The following TMEM132D variants were observed in gnomAD, a reference collection of about 807,000 sequenced individuals.
The protein encoded by TMEM132D is mature OL transmembrane protein.
In TMEM132D, 21 loss-of-function variants were observed where a neutral mutation model predicts 62.3. That is an observed-to-expected ratio of 0.34 (90% CI 0.24 to 0.49). The LOEUF (loss-of-function observed/expected upper bound fraction) is 0.49, where lower values mean the gene tolerates loss of function less well. TMEM132D is among the 20% of genes least tolerant of loss of function. The pLI is 0.99. For missense variants in TMEM132D, 1,346 were observed against 1,402.8 expected, an observed-to-expected ratio of 0.96 and a Z score of 0.65; for synonymous variants, 621 against 575.6, an observed-to-expected ratio of 1.08 and a Z score of -1.13.
intron 3 of TMEM132D, among the ~76,000 whole-genome samples, chr12:129,492,634 C>T (rs1874830626): frequency 6.6e-6 from 1 of 152,224 alleles, no homozygotes; most frequent in South Asian, 2.1e-4. Flanking sequence ...AGTATACACA[C>T]TGTCAAAAGT....
intron 4 of TMEM132D, among the ~76,000 whole-genome samples, chr12:129,276,751 C>T (rs1054651442): frequency 2.0e-4 from 30 of 152,216 alleles, no homozygotes; most frequent in Non-Finnish European, 4.4e-4. Flanking sequence ...ATCCTTGCCT[C>T]CTCGTTTCCT....
chr12:129,845,591 T>G (rs943347419), intron 1 of TMEM132D, among the ~76,000 whole-genome samples: 2 of 152,200 alleles, frequency 1.3e-5, no homozygotes, highest in African/African-American at 4.8e-5. Flanking sequence ...AAGGTCTGTC[T>G]CAAAATTTCA....
At chr12:129,545,150 C>T (rs1351277975) in intron 2 of TMEM132D, among the ~76,000 whole-genome samples, 1 of 152,196 alleles carries the variant, frequency 6.6e-6, no homozygotes, top group African/African-American at 2.4e-5. Context: ...TTATTACTCC[C>T]TCCTTCCCAG....
chr12:129,449,146 C>G (rs984215605), intron 3 of TMEM132D, among the ~76,000 whole-genome samples: 2 of 152,188 alleles, frequency 1.3e-5, no homozygotes, highest in Admixed American at 6.5e-5. Flanking sequence ...AGAGGGAAGA[C>G]CCTATGCATT....
intron 3 of TMEM132D, among the ~76,000 whole-genome samples, chr12:129,369,699 T>C (rs914849045): frequency 3.3e-5 from 5 of 152,222 alleles, no homozygotes; most frequent in African/African-American, 1.2e-4. Flanking sequence ...TGCTGCATGA[T>C]GAAAGTGACA....
intron 5 of TMEM132D, among the ~76,000 whole-genome samples, chr12:129,205,857 C>G (rs1593295526): frequency 6.6e-6 from 1 of 152,002 alleles, no homozygotes; most frequent in South Asian, 2.1e-4. Flanking sequence ...GAAATAAATA[C>G]AAAGAAAATC....
At chr12:129,427,069 C>T (rs559985676) in intron 3 of TMEM132D, among the ~76,000 whole-genome samples, 1 of 152,176 alleles carries the variant, frequency 6.6e-6, no homozygotes, top group East Asian at 1.9e-4. Context: ...AAATACGATC[C>T]CATATGGGAA....
At chr12:129,826,299 G>A (rs181247735) in intron 1 of TMEM132D, among the ~76,000 whole-genome samples, 1 of 152,294 alleles carries the variant, frequency 6.6e-6, no homozygotes, top group African/African-American at 2.4e-5. Context: ...AGCACACAGC[G>A]TGGGTGAGAA....
At chr12:129,699,359 C>T (rs1479151818) in intron 2 of TMEM132D, among the ~76,000 whole-genome samples, 1 of 152,140 alleles carries the variant, frequency 6.6e-6, no homozygotes, top group Non-Finnish European at 1.5e-5. Flanking sequence ...CCATATTATA[C>T]TTAGAACTTA....
intron 1 of TMEM132D, among the ~76,000 whole-genome samples, chr12:129,702,606 G>A (rs1881408958): frequency 6.6e-6 from 1 of 152,090 alleles, no homozygotes; most frequent in Non-Finnish European, 1.5e-5. Context: ...CTGGGTTATG[G>A]TCTCCATCTG....
At chr12:129,430,091 T>C (rs1379141546) in intron 3 of TMEM132D, among the ~76,000 whole-genome samples, 1 of 152,202 alleles carries the variant, frequency 6.6e-6, no homozygotes, top group Non-Finnish European at 1.5e-5. Context: ...CCTTTGGGTA[T>C]ATACCCAGTA....
intron 1 of TMEM132D, among the ~76,000 whole-genome samples, chr12:129,806,850 A>AC (rs151028505): frequency 0.027 from 4,179 of 152,066 alleles, 186 homozygotes; most frequent in African/African-American, 0.094. Flanking sequence ...ATATAGTGAG[A>AC]CCCCAACTCT....
chr12:129,810,560 ACACACACACACACCCCCC>A (rs1872140216), intron 1 of TMEM132D, among the ~76,000 whole-genome samples: 1 of 16,804 alleles, frequency 6.0e-5, no homozygotes, highest in Non-Finnish European at 1.5e-4. Context: ...ATACACACAC[ACACACACACACACCCCCC>A]CACACTCTTT....
intron 1 of TMEM132D, among the ~76,000 whole-genome samples, chr12:129,810,655 A>G (rs965624768): frequency 6.6e-6 from 1 of 152,182 alleles, no homozygotes; most frequent in Admixed American, 6.5e-5. Context: ...TGTGCAAAAG[A>G]AATAAAAGTT....
chr12:129,392,818 G>T (rs1388610284), intron 3 of TMEM132D, among the ~76,000 whole-genome samples: 2 of 152,140 alleles, frequency 1.3e-5, no homozygotes, highest in East Asian at 3.9e-4. Flanking sequence ...TGGCAAACTC[G>T]AATGTCTACA....
At chr12:129,260,751 A>G (rs1880528974) in intron 4 of TMEM132D, among the ~76,000 whole-genome samples, 1 of 152,182 alleles carries the variant, frequency 6.6e-6, no homozygotes, top group Non-Finnish European at 1.5e-5. Context: ...CACTTATAAG[A>G]GAGAACATAT....
chr12:129,318,396 C>A (rs1868561211), intron 4 of TMEM132D, among the ~76,000 whole-genome samples: 1 of 152,116 alleles, frequency 6.6e-6, no homozygotes, highest in Non-Finnish European at 1.5e-5. Context: ...AGCCAAACTG[C>A]AGTGATTATT....
rs371605083 is a variant in TMEM132D, at chr12:129,248,681, G to C, written c.1300-39018C>G. On this transcript the variant is annotated intron_variant, in intron 4 of 8. Transcript: ENST00000422113. The stretch of plus-strand genomic sequence containing the variant: ...CAGGTATTAAGCCTAGTATCCATTA[G>C]TTATTTTTCCCAATTTGCTCCCCCG... Among the ~76,000 whole-genome samples the C allele has an allele frequency of 1.2e-4, 18 of 152,106 alleles. 2 individuals carry two copies. Among genetic ancestry groups the C allele is most frequent in the Admixed American group, 8.5e-4 (13 of 15,278 alleles).
At chr12:129,338,827 A>G (rs1869373801) in intron 3 of TMEM132D, among the ~76,000 whole-genome samples, 1 of 152,214 alleles carries the variant, frequency 6.6e-6, no homozygotes, top group Non-Finnish European at 1.5e-5. Context: ...CACACCGTCA[A>G]TCTCACCCAA....
Sources: gnomAD v4.1 joint callset for allele counts (sites outside exome capture counted in the v4.1 genomes callset) on GRCh38, gnomAD v4.1.1 for gene constraint, MANE v1.5 for transcripts, NCBI Gene and HGNC (gene_info 2026-07-23, HGNC 2026-07-21) for gene names.